RNF215: variants seen among roughly 807,000 people sequenced by gnomAD.
The protein encoded by RNF215 is ring finger protein 215.
Under a neutral mutation model 44.8 loss-of-function variants are expected in RNF215, and 41 were observed. The ratio of observed to expected loss-of-function variants is 0.92; its 90% CI spans 0.71 to 1.19. The LOEUF (loss-of-function observed/expected upper bound fraction) is 1.19, where lower values mean the gene tolerates loss of function less well. Among genes scored for constraint, RNF215 ranks in the 50% most tolerant of loss-of-function variants. The pLI is 0.00. For synonymous variants in RNF215, 218 were observed against 230.1 expected (o/e 0.95, Z 0.48); for missense variants, 452 against 496.2 (o/e 0.91, Z 0.85).
chr22:30,380,332 G>A lies in RNF215; in HGVS notation c.814C>T (p.Gln272Ter). 1 of 1,611,782 alleles carries A rather than the reference G, an allele frequency of 6.2e-7. No homozygotes were observed. The highest frequency in any genetic ancestry group is 8.5e-7 in the Non-Finnish European group (1 of 1,178,852). Residue 272 changes from glutamine to a stop codon, truncating the protein, a stop_gained, in exon 6 of 9, where the codon CAG becomes TAG. Coordinates refer to ENST00000382363, the MANE Select transcript of RNF215 (RefSeq NM_001017981.2). LOFTEE classifies it high-confidence loss of function. This position sits in a 1 kb window ranked among gnomAD's most constrained non-coding sequence, Gnocchi z 5.3. ...AMLLCTGLVV[Q>*]AQRQASRQSQ... The stretch of plus-strand genomic sequence containing the variant: ...TGCCGCGACGCCTGCCGCTGGGCCT[G>A]GACCACGAGGCCTGTGCACAGGAGC...
chr22:30,380,669 T>G lies in RNF215; in HGVS notation c.745-268A>C, dbSNP rs1487165401. On this transcript the variant is annotated intron_variant, in intron 5 of 8. Coordinates refer to ENST00000382363, the MANE Select transcript of RNF215 (RefSeq NM_001017981.2). This position sits in a 1 kb window ranked among gnomAD's most constrained non-coding sequence, Gnocchi z 5.3. ...CCCAGGGCTCTCTGGGCAACAAACC[T>G]GATGTTTTGCATACACAGAAGCTTC... is the stretch of plus-strand genomic sequence containing the variant. Among the ~76,000 whole-genome samples, 1 of 152,024 alleles carries G rather than the reference T, an allele frequency of 6.6e-6. No individual in the cohort carries two copies. Among genetic ancestry groups the G allele is most frequent in the African/African-American group, 2.4e-5 (1 of 41,378 alleles).
intron 1 of RNF215, 127 bp from the exon 2 acceptor site, chr22:30,386,886 T>C: frequency 6.8e-7 from 1 of 1,479,042 alleles, no homozygotes; most frequent in East Asian, 2.4e-5. Flanking sequence ...GAAGCCGGAA[T>C]GCTGGGGGCC....
chr22:30,387,310 C>T lies in RNF215; in HGVS notation c.4G>A (p.Gly2Ser). ...CTCAGCGCGGGGCGAGCGGCGGGGC[C>T]CATGGCCGGACCCGGCGAGCTGGCC... The part of the protein sequence containing the change: M[G>S]PAARPALRSP... The change falls in exon 1 of 9, where the codon GGC (glycine) becomes AGC (serine). Residue 2 changes from glycine (G) to serine (S), a missense_variant. Physicochemically the swap from Gly to Ser is moderately conservative, Grantham distance 56 (BLOSUM62 0). Transcript: ENST00000382363. 1 of 1,064,376 alleles carries T rather than the reference C, an allele frequency of 9.4e-7. No homozygotes were observed. The allele number at this position is 1,064,376 out of a possible 1,614,324, so 65.9% of individuals were successfully genotyped here.
intron 2 of RNF215, 84 bp downstream of exon 2, chr22:30,386,532 G>A (rs1046459768): frequency 2.3e-5 from 34 of 1,500,328 alleles, no homozygotes; most frequent in Non-Finnish European, 3.0e-5. Flanking sequence ...AAGCTCTTAA[G>A]GGCCCATCTA....
intron 4 of RNF215, 99 bp from the exon 5 acceptor site, chr22:30,384,594 G>A: frequency 9.2e-7 from 1 of 1,084,252 alleles, no homozygotes; most frequent in South Asian, 1.5e-5. Context: ...ACCTACGACT[G>A]TCGCCCCTGC....
At position 30,382,128 on chromosome 22, in the gene RNF215, G is replaced by A. The variant is rs1033609435; in HGVS notation, c.745-1727C>T. On this transcript the variant is annotated intron_variant, in intron 5 of 8. Coordinates refer to ENST00000382363, the MANE Select transcript of RNF215 (RefSeq NM_001017981.2). The stretch of plus-strand genomic sequence containing the variant: ...CTCAAGAAATGCTTGGGGGCCAGCC[G>A]CGGTGGTTCATGCCTATAATCCCAG... Among the ~76,000 whole-genome samples the A allele has an allele frequency of 3.3e-5, 5 of 152,290 alleles. No individual in the cohort carries two copies. The South Asian group carries it at 6.2e-4, about 19-fold the overall frequency.
chr22:30,380,177 C>A lies in RNF215; in HGVS notation c.893G>T (p.Arg298Leu). The stretch of plus-strand genomic sequence containing the variant: ...CCGTGTCTTGAGGGATGCCAGTCTC[C>A]GCACCACGCGGCGCTTAAACAGGTC... ...QVDLFKRRVV[R>L]RLASLKTRRC... Residue 298 changes from arginine (R) to leucine (L), a missense_variant, in exon 7 of 9, where the codon CGG (arginine) becomes CTG (leucine). Coordinates refer to ENST00000382363, the MANE Select transcript of RNF215 (RefSeq NM_001017981.2). The surrounding 1 kb of genome is among the most constrained non-coding windows in gnomAD (Gnocchi z 5.3). The A allele has an allele frequency of 6.2e-7, 1 of 1,613,826 alleles. No homozygotes were observed. Among genetic ancestry groups the A allele is most frequent in the Non-Finnish European group, 8.5e-7 (1 of 1,179,960 alleles).
chr22:30,379,549 G>A lies in RNF215; in HGVS notation c.*51C>T, dbSNP rs770535021. On this transcript the variant is annotated 3_prime_UTR_variant, in exon 9 of 9. Transcript: ENST00000382363. ...GTCCTGGGAGCCCAGGCTGAGGACC[G>A]GGGTGCAGGCAGGAAGGGTCCATCC... 20 of 1,544,192 alleles carry A rather than the reference G, an allele frequency of 1.3e-5. No individual in the cohort carries two copies. Among genetic ancestry groups the A allele is most frequent in the South Asian group, 3.6e-5 (3 of 83,884 alleles).
At position 30,379,489 on chromosome 22, in the gene RNF215, G is replaced by T; in HGVS notation, c.*111C>A. The T allele has an allele frequency of 7.4e-7, 1 of 1,346,534 alleles. No homozygotes were observed. Among genetic ancestry groups the T allele is most frequent in the Non-Finnish European group, 1.0e-6 (1 of 987,846 alleles). The allele number at this position is 1,346,534 out of a possible 1,614,324, so 83.4% of individuals were successfully genotyped here. A position where few individuals can be genotyped will look rare whatever the true frequency, so the allele number is the denominator to read the frequency against. On this transcript the variant is annotated 3_prime_UTR_variant, in exon 9 of 9. Coordinates refer to ENST00000382363, the MANE Select transcript of RNF215 (RefSeq NM_001017981.2). The stretch of plus-strand genomic sequence containing the variant: ...ATCCTTCCTCCCACCCACTGGGCTT[G>T]CTGTCCTGTCTATCCTGCTGTCCCA...
chr22:30,379,351 T>G lies in RNF215; in HGVS notation c.*249A>C. On this transcript the variant is annotated 3_prime_UTR_variant, in exon 9 of 9. Coordinates refer to ENST00000382363, the MANE Select transcript of RNF215 (RefSeq NM_001017981.2). ...GGAGGGCAGACTCACGTCACAGGAT[T>G]GCAGAGAAGGTCCCAAAGTGACCTC... is the stretch of plus-strand genomic sequence containing the variant. 1 of 571,826 alleles carries G rather than the reference T, an allele frequency of 1.7e-6. No homozygotes were observed. Among genetic ancestry groups the G allele is most frequent in the South Asian group, 2.0e-5 (1 of 48,806 alleles). The allele number at this position is 571,826 out of a possible 1,614,324, so 35.4% of individuals were successfully genotyped here. A position where few individuals can be genotyped will look rare whatever the true frequency, so the allele number is the denominator to read the frequency against.
chr22:30,379,144 G>A lies in RNF215; in HGVS notation c.*456C>T. On this transcript the variant is annotated 3_prime_UTR_variant, in exon 9 of 9. Coordinates refer to ENST00000382363, the MANE Select transcript of RNF215 (RefSeq NM_001017981.2). ...TATCCTGAAAGACGGTCAGGCCAGGGTACCCCAAGGCCAGATAGCTCTTCC... is the reference window on the plus strand; with the variant it reads ...TATCCTGAAAGACGGTCAGGCCAGGATACCCCAAGGCCAGATAGCTCTTCC... 5.4e-6 allele frequency: 1 copy of A among 184,288 alleles called. No individual in the cohort carries two copies. Among genetic ancestry groups the A allele is most frequent in the Non-Finnish European group, 1.2e-5 (1 of 86,328 alleles). The allele number at this position is 184,288 out of a possible 1,614,324, so 11.4% of individuals were successfully genotyped here. A position where few individuals can be genotyped will look rare whatever the true frequency, so the allele number is the denominator to read the frequency against.
Position 30,384,347 on chromosome 22 carries a change from G to C in RNF215, c.736C>G (p.Gln246Glu), listed in dbSNP as rs577967486. Residue 246 changes from glutamine to glutamate, a missense_variant, in exon 5 of 9, where the codon CAG becomes GAG. Gln to Glu is a conservative substitution (Grantham distance 29). Transcript: ENST00000382363. ...AATCTGCTAGCACCCACCTGCTCCTGGGCACGACTGCCTCCAAGGCAGACC... is the reference window on the plus strand; with the variant it reads ...AATCTGCTAGCACCCACCTGCTCCTCGGCACGACTGCCTCCAAGGCAGACC... Reference protein sequence around the residue: ...DLVCLGGSRAQEQKPLQQLWN... With the variant: ...DLVCLGGSRAEEQKPLQQLWN... 1 of 1,613,160 alleles carries C rather than the reference G, an allele frequency of 6.2e-7. No individual in the cohort carries two copies. Among genetic ancestry groups the C allele is most frequent in the Admixed American group, 1.7e-5 (1 of 60,002 alleles).
chr22:30,379,293 C>A lies in RNF215; in HGVS notation c.*307G>T, dbSNP rs929471995. On this transcript the variant is annotated 3_prime_UTR_variant, in exon 9 of 9. Transcript: ENST00000382363. ...GCGACAGCTACACTGGCCCCATATT[C>A]TCTTTCCTTATTGACCTGGGAGCTG... is the stretch of plus-strand genomic sequence containing the variant. 2 of 449,078 alleles carry A rather than the reference C, an allele frequency of 4.5e-6. No individual in the cohort carries two copies. The highest frequency in any genetic ancestry group is 2.0e-5 in the African/African-American group (1 of 50,686). The allele number at this position is 449,078 out of a possible 1,614,324, so 27.8% of individuals were successfully genotyped here. A position where few individuals can be genotyped will look rare whatever the true frequency, so the allele number is the denominator to read the frequency against.
chr22:30,385,508 T>C (rs924887991), intron 4 of RNF215, among the ~76,000 whole-genome samples: 1 of 150,474 alleles, frequency 6.6e-6, no homozygotes, highest in African/African-American at 2.4e-5. Flanking sequence ...GCAGCAGCAG[T>C]GGCAACGGGG....
At chr22:30,381,018 A>G (rs893470621) in intron 5 of RNF215, among the ~76,000 whole-genome samples, 7 of 152,188 alleles carry the variant, frequency 4.6e-5, no homozygotes, top group African/African-American at 9.7e-5. Context: ...CCTTCCCTGC[A>G]GTGCCACTTG....
At chr22:30,385,413 C>T (rs567802357) in intron 4 of RNF215, among the ~76,000 whole-genome samples, 145 of 133,472 alleles carry the variant, frequency 1.1e-3, no homozygotes, top group African/African-American at 4.0e-3. Context: ...CAGAGCGAAA[C>T]TCCATCTCAA....
chr22:30,379,450 A>G lies in RNF215; in HGVS notation c.*150T>C. 2.2e-6 allele frequency: 2 copies of G among 898,914 alleles called. No individual in the cohort carries two copies. Among genetic ancestry groups the G allele is most frequent in the East Asian group, 2.7e-5 (1 of 37,580 alleles). The allele number at this position is 898,914 out of a possible 1,614,324, so 55.7% of individuals were successfully genotyped here. Reference sequence around the variant, plus strand: ...TGGGGCCCTCCTTCCCAGTGTGGACATGGTGGGGCCCTCATCCTTCCTCCC... The same window carrying G: ...TGGGGCCCTCCTTCCCAGTGTGGACGTGGTGGGGCCCTCATCCTTCCTCCC... On this transcript the variant is annotated 3_prime_UTR_variant, in exon 9 of 9. Coordinates refer to ENST00000382363, the MANE Select transcript of RNF215 (RefSeq NM_001017981.2).
chr22:30,387,269 AGGCGGCGGC>A lies in RNF215; in HGVS notation c.36_44del (p.Pro18_Pro20del), dbSNP rs1337194847. On this transcript the variant is annotated inframe_deletion, in exon 1 of 9. Transcript: ENST00000382363. The stretch of plus-strand genomic sequence containing the variant: ...GCAGCGGAGACGGAGGCGGCGGCGG[AGGCGGCGGC>A]GGCGATCTCAGCGCGGGGCGAGCGG... The A allele has an allele frequency of 1.3e-5, 14 of 1,053,004 alleles. No individual in the cohort carries two copies. Among genetic ancestry groups the A allele is most frequent in the East Asian group, 1.4e-4 (2 of 14,158 alleles). 65.2% of individuals were successfully genotyped at this position (1,053,004 alleles called of 1,614,324 possible).
chr22:30,384,031 A>C (rs533111024), intron 5 of RNF215, among the ~76,000 whole-genome samples: 1 of 152,274 alleles, frequency 6.6e-6, no homozygotes, highest in East Asian at 1.9e-4. Flanking sequence ...AGAGTGAGTG[A>C]GTGATGCAGA....
Sources: gnomAD v4.1 joint callset for allele counts (sites outside exome capture counted in the v4.1 genomes callset) on GRCh38, gnomAD v4.1.1 for gene constraint, Gnocchi (gnomAD v3.1) non-coding constraint, MANE v1.5 for transcripts, NCBI Gene and HGNC (gene_info 2026-07-23, HGNC 2026-07-21) for gene names.